Variants in PDE11A observed in about 807,000 individuals in gnomAD.
PDE11A encodes the protein phosphodiesterase 11A.
A neutral mutation model predicts 100.5 loss-of-function variants in PDE11A; 100 were observed. The ratio of observed to expected loss-of-function variants is 1.00; its 90% CI spans 0.85 to 1.18. The LOEUF (loss-of-function observed/expected upper bound fraction) is 1.18. Ranked by LOEUF, PDE11A falls within the 50% of genes most tolerant of loss-of-function variation. PDE11A has a pLI of 0.00. For synonymous variants in PDE11A, 381 were observed against 420.8 expected (o/e 0.91, Z 1.16); for missense variants, 1,141 against 1,152.6 (o/e 0.99, Z 0.15).
intron 15 of PDE11A, among the ~76,000 whole-genome samples, chr2:177,689,306 TCCTGA>T (rs1559144141): frequency 6.6e-6 from 1 of 152,190 alleles, no homozygotes; most frequent in African/African-American, 2.4e-5. Flanking sequence ...AGTCTCGAAC[TCCTGA>T]CCTCAGGTGA....
At chr2:177,940,708 A>C (rs1405683712) in intron 2 of PDE11A, among the ~76,000 whole-genome samples, 2 of 152,224 alleles carry the variant, frequency 1.3e-5, no homozygotes, top group African/African-American at 4.8e-5. Context: ...TCATGGGATA[A>C]GGGCTCTGTC....
chr2:177,865,765 A>G (rs972136844), intron 5 of PDE11A, among the ~76,000 whole-genome samples: 5 of 152,242 alleles, frequency 3.3e-5, no homozygotes, highest in Non-Finnish European at 5.9e-5. Context: ...GTCACATATT[A>G]TATAATTCCA....
chr2:177,690,086 G>T (rs572751457), intron 15 of PDE11A, among the ~76,000 whole-genome samples: 1 of 152,250 alleles, frequency 6.6e-6, no homozygotes, highest in East Asian at 1.9e-4. Context: ...GTGCTATTTG[G>T]CTACATTTCT....
chr2:178,002,580 T>C (rs974300313), intron 2 of PDE11A, among the ~76,000 whole-genome samples: 2 of 152,086 alleles, frequency 1.3e-5, no homozygotes, highest in African/African-American at 4.8e-5. Flanking sequence ...ATAAGGTACC[T>C]AGGAGGTATT....
At chr2:177,830,065 C>A (rs2083284996) in intron 6 of PDE11A, among the ~76,000 whole-genome samples, 1 of 152,148 alleles carries the variant, frequency 6.6e-6, no homozygotes, top group African/African-American at 2.4e-5. Flanking sequence ...GACTCAAGGG[C>A]AATCTCTGGG....
chr2:177,768,217 G>A lies in PDE11A; in HGVS notation c.1788+1106C>T, dbSNP rs189376156. On this transcript the variant is annotated intron_variant, in intron 10 of 19. Transcript: ENST00000286063. ...CTTTGCTCCCTTTCATCATTCATGC[G>A]CTTGTGTTTGGAACAAACATCTTCC... is the stretch of plus-strand genomic sequence containing the variant. 4.6e-5 allele frequency among the ~76,000 whole-genome samples: 7 copies of A among 151,570 alleles called. No individual in the cohort carries two copies. In the East Asian group the frequency reaches 5.8e-4, roughly 13 times the overall value.
intron 3 of PDE11A, among the ~76,000 whole-genome samples, chr2:177,903,583 C>T (rs952202038): frequency 6.6e-6 from 1 of 152,156 alleles, no homozygotes; most frequent in South Asian, 2.1e-4. Context: ...TGAAGCTTCA[C>T]TTAAGGAGTT....
At chr2:177,850,891 T>C (rs910415565) in intron 5 of PDE11A, among the ~76,000 whole-genome samples, 7 of 152,076 alleles carry the variant, frequency 4.6e-5, no homozygotes, top group African/African-American at 1.7e-4. Flanking sequence ...AAACAACAGG[T>C]GCTGGAAAGG....
intron 13 of PDE11A, among the ~76,000 whole-genome samples, chr2:177,704,928 C>T (rs186813091): frequency 6.6e-6 from 1 of 152,260 alleles, no homozygotes; most frequent in Admixed American, 6.5e-5. Flanking sequence ...GCAACCTCCA[C>T]CTCCTGGGTT....
At chr2:177,971,091 T>A (rs899066085) in intron 2 of PDE11A, among the ~76,000 whole-genome samples, 1 of 152,174 alleles carries the variant, frequency 6.6e-6, no homozygotes. Context: ...TTCTATAGGA[T>A]TGAGAAGCTG....
At chr2:177,942,993 T>C (rs951811672) in intron 2 of PDE11A, among the ~76,000 whole-genome samples, 1 of 152,226 alleles carries the variant, frequency 6.6e-6, no homozygotes, top group African/African-American at 2.4e-5. Flanking sequence ...GACTGTCTTA[T>C]TTCACTTAGC....
chr2:177,700,999 G>A (rs1025979034), intron 14 of PDE11A, 122 bp downstream of exon 14: 1 of 730,824 alleles, frequency 1.4e-6, no homozygotes. Flanking sequence ...CCATTAAGTT[G>A]ACTTAGAAAT....
intron 1 of PDE11A, among the ~76,000 whole-genome samples, chr2:178,021,782 AG>A (rs2086415578): frequency 6.6e-6 from 1 of 152,204 alleles, no homozygotes; most frequent in Non-Finnish European, 1.5e-5. Context: ...GGAATTATCC[AG>A]AAAAAAAGGA....
chr2:177,800,004 G>A (rs140101772), intron 9 of PDE11A, among the ~76,000 whole-genome samples: 2 of 152,074 alleles, frequency 1.3e-5, no homozygotes, highest in African/African-American at 4.8e-5. Flanking sequence ...TCACTTCATC[G>A]TTATTAACAA....
chr2:177,660,485 T>C (rs1193952614), intron 19 of PDE11A, among the ~76,000 whole-genome samples: 1 of 152,232 alleles, frequency 6.6e-6, no homozygotes, highest in Non-Finnish European at 1.5e-5. Context: ...AATATTTTTA[T>C]ATATTTTCTG....
intron 10 of PDE11A, among the ~76,000 whole-genome samples, chr2:177,757,568 G>A (rs1447847303): frequency 2.0e-5 from 3 of 152,236 alleles, no homozygotes; most frequent in Non-Finnish European, 2.9e-5. Flanking sequence ...CCGTCCACTT[G>A]TAGATGCTTA....
chr2:178,064,921 A>T (rs1044897602), intron 1 of PDE11A, among the ~76,000 whole-genome samples: 2 of 152,158 alleles, frequency 1.3e-5, no homozygotes, highest in African/African-American at 4.8e-5. Flanking sequence ...ATGATAGGAA[A>T]CATAATTTGT....
At chr2:177,858,673 C>T (rs994597328) in intron 5 of PDE11A, among the ~76,000 whole-genome samples, 24 of 152,186 alleles carry the variant, frequency 1.6e-4, no homozygotes, top group Middle Eastern at 3.4e-3. Context: ...TCAACCATTG[C>T]GGAAGTCAGT....
chr2:177,829,012 G>A (rs985385053), intron 6 of PDE11A, among the ~76,000 whole-genome samples: 13 of 152,106 alleles, frequency 8.5e-5, no homozygotes, highest in Admixed American at 2.0e-4. Context: ...CTGGATCTCG[G>A]TGGTAGCAGC....
Sources: allele counts gnomAD v4.1 joint callset (sites outside exome capture counted in the v4.1 genomes callset), GRCh38; gene constraint gnomAD v4.1.1; transcripts MANE v1.5; gene names NCBI Gene and HGNC (gene_info 2026-07-23, HGNC 2026-07-21).